The following DLG2 variants were observed in gnomAD, a reference collection of about 807,000 sequenced individuals.
DLG2 encodes the protein discs large MAGUK scaffold protein 2, also known as disks large homolog 2.
In DLG2, 45 loss-of-function variants were observed where a neutral mutation model predicts 132.5. That is an observed-to-expected ratio of 0.34 (90% CI 0.27 to 0.44). The LOEUF (loss-of-function observed/expected upper bound fraction) is 0.44, where lower values mean the gene tolerates loss of function less well. Ranked by LOEUF, DLG2 falls within the 20% of genes least tolerant of loss-of-function variation. DLG2 has a pLI of 1.00. For missense variants in DLG2, 1,045 were observed against 1,196.9 expected (o/e 0.87, Z 1.87); for synonymous variants, 424 against 419.6 (o/e 1.01, Z -0.13).
In DLG2 at chr11:85,592,768, T is replaced by C. The variant is rs532013571; in HGVS notation, c.40+5889A>G. 5.9e-3 allele frequency among the ~76,000 whole-genome samples: 897 copies of C among 151,770 alleles called. 2 individuals carry two copies. The highest frequency in any genetic ancestry group is 8.8e-3 in the Non-Finnish European group (597 of 67,932). ...GAGTTCAACACCAGCCTGGGCAAAA[T>C]GGTGAAGTCTCCTTTCCGCAAAAAA... On this transcript the variant is annotated intron_variant, in intron 3 of 27. Coordinates refer to ENST00000376104, the MANE Select transcript of DLG2 (RefSeq NM_001142699.3).
rs192111097 is a variant in DLG2 at position 85,000,914 on chromosome 11, C to T, written c.357+110747G>A. On this transcript the variant is annotated intron_variant, in intron 6 of 27. Transcript: ENST00000376104. ...TTAAGTTATGTAATATAAGTAGATG[C>T]ATTTCATAACCCAACTCCTCTCTGC... Among the ~76,000 whole-genome samples, 289 of 152,192 alleles carry T rather than the reference C, an allele frequency of 1.9e-3. 1 individual carries two copies. Among genetic ancestry groups the T allele is most frequent in the Non-Finnish European group, 2.7e-3 (183 of 68,006 alleles).
chr11:85,537,269 G>A (rs2075652155), intron 3 of DLG2, among the ~76,000 whole-genome samples: 1 of 152,178 alleles, frequency 6.6e-6, no homozygotes, highest in Non-Finnish European at 1.5e-5. Context: ...TGTGGGTGGG[G>A]CAAGATAAGG....
intron 4 of DLG2, among the ~76,000 whole-genome samples, chr11:85,230,635 G>A (rs2075249073): frequency 6.6e-6 from 1 of 151,540 alleles, no homozygotes; most frequent in African/African-American, 2.4e-5. Context: ...CTATTCCTAA[G>A]ATTTCTCTTT....
intron 7 of DLG2, among the ~76,000 whole-genome samples, chr11:84,473,364 G>T (rs1356575535): frequency 6.6e-6 from 1 of 152,000 alleles, no homozygotes; most frequent in Non-Finnish European, 1.5e-5. Context: ...CAAAAAGATG[G>T]TTCTGCAGAA....
chr11:84,520,041 T>G (rs2099290681), intron 7 of DLG2, among the ~76,000 whole-genome samples: 1 of 152,210 alleles, frequency 6.6e-6, no homozygotes, highest in African/African-American at 2.4e-5. Context: ...CTGAATCATC[T>G]CTACAATATC....
intron 3 of DLG2, among the ~76,000 whole-genome samples, chr11:85,415,125 C>A (rs1366428381): frequency 3.9e-5 from 6 of 152,110 alleles, no homozygotes; most frequent in Non-Finnish European, 8.8e-5. Context: ...GTTTTCTCTT[C>A]CTGTGTTAAT....
chr11:84,551,607 G>T (rs1413763208), intron 6 of DLG2, among the ~76,000 whole-genome samples: 1 of 152,164 alleles, frequency 6.6e-6, no homozygotes, highest in Non-Finnish European at 1.5e-5. Flanking sequence ...CAGGGAGAAA[G>T]AAATTAAATA....
In DLG2 at chr11:85,580,213, C is replaced by G. The variant is rs189845516; in HGVS notation, c.40+18444G>C. On this transcript the variant is annotated intron_variant, in intron 3 of 27. Transcript: ENST00000376104. ...ACATGGAACTGTAAGTCCATTAAAC[C>G]CTTTTTTCTTCCCAGTCTCAGGTAT... is the stretch of plus-strand genomic sequence containing the variant. Among the ~76,000 whole-genome samples, 202 of 152,232 alleles carry G rather than the reference C, an allele frequency of 1.3e-3. 1 individual carries two copies. The highest frequency in any genetic ancestry group is 4.8e-3 in the African/African-American group (200 of 41,538).
intron 7 of DLG2, among the ~76,000 whole-genome samples, chr11:84,389,192 A>G (rs2098783046): frequency 6.6e-6 from 1 of 152,132 alleles, no homozygotes; most frequent in East Asian, 1.9e-4. Flanking sequence ...AGGGTATTTC[A>G]TTGTATTTAT....
At chr11:83,821,574 T>C (rs1364239161) in intron 17 of DLG2, among the ~76,000 whole-genome samples, 1 of 152,202 alleles carries the variant, frequency 6.6e-6, no homozygotes, top group Admixed American at 6.5e-5. Flanking sequence ...CAATGTCTGA[T>C]ATACCTCTCT....
intron 9 of DLG2, among the ~76,000 whole-genome samples, chr11:84,163,008 G>A (rs1034112473): frequency 6.6e-6 from 1 of 152,034 alleles, no homozygotes; most frequent in African/African-American, 2.4e-5. Context: ...GCTCTATGGG[G>A]TTGCTGTGTT....
chr11:85,093,503 A>G (rs1594060220), intron 6 of DLG2, among the ~76,000 whole-genome samples: 1 of 152,336 alleles, frequency 6.6e-6, no homozygotes, highest in Non-Finnish European at 1.5e-5. Context: ...TAATAAAGAC[A>G]TACATGAGAC....
intron 7 of DLG2, among the ~76,000 whole-genome samples, chr11:84,495,862 C>T (rs776949318): frequency 1.3e-5 from 2 of 152,220 alleles, no homozygotes; most frequent in East Asian, 1.9e-4. Context: ...AAATGAAGGG[C>T]GGTAAACGGG....
intron 19 of DLG2, among the ~76,000 whole-genome samples, chr11:83,614,377 T>C (rs1431716814): frequency 6.6e-6 from 1 of 152,272 alleles, no homozygotes; most frequent in East Asian, 1.9e-4. Flanking sequence ...TCTTAGCACA[T>C]TCAAGAAGTC....
chr11:83,777,859 A>G (rs962090159), intron 18 of DLG2, among the ~76,000 whole-genome samples: 2 of 152,212 alleles, frequency 1.3e-5, no homozygotes, highest in Non-Finnish European at 2.9e-5. Flanking sequence ...TGTTTTAATC[A>G]GAAGACACAA....
At chr11:85,579,505 G>C (rs555546654) in intron 3 of DLG2, among the ~76,000 whole-genome samples, 1 of 152,174 alleles carries the variant, frequency 6.6e-6, no homozygotes, top group Non-Finnish European at 1.5e-5. Context: ...ACACGATCAG[G>C]TATGTCAAAT....
intron 6 of DLG2, among the ~76,000 whole-genome samples, chr11:84,594,471 G>A (rs79112048): frequency 0.051 from 7,738 of 152,250 alleles, 254 homozygotes; most frequent in African/African-American, 0.079. Context: ...TTTTTCAAAA[G>A]TGAGTGGATA....
chr11:83,854,641 C>A (rs556316001), intron 16 of DLG2, among the ~76,000 whole-genome samples: 8 of 152,058 alleles, frequency 5.3e-5, no homozygotes, highest in Non-Finnish European at 8.8e-5. Context: ...AAACTATAAA[C>A]TCCTTGGAGA....
chr11:85,194,949 A>G (rs2080916056), intron 4 of DLG2, among the ~76,000 whole-genome samples: 2 of 152,204 alleles, frequency 1.3e-5, no homozygotes, highest in Admixed American at 1.3e-4. Flanking sequence ...TGGAAAGTAC[A>G]AAAAGTCTGG....
Sources: allele counts gnomAD v4.1 joint callset (sites outside exome capture counted in the v4.1 genomes callset), GRCh38; gene constraint gnomAD v4.1.1; transcripts MANE v1.5; gene names NCBI Gene and HGNC (gene_info 2026-07-23, HGNC 2026-07-21).